Variants in KYNU observed in about 807,000 individuals in gnomAD.
KYNU encodes the protein kynureninase, also known as L-kynurenine hydrolase.
KYNU carries 54 observed loss-of-function variants against 59.2 expected under a neutral mutation model. That is an observed-to-expected ratio of 0.91 (90% CI 0.73 to 1.14). The LOEUF (loss-of-function observed/expected upper bound fraction) is 1.14. KYNU is among the 50% of genes most tolerant of loss of function. The pLI, the probability that KYNU is intolerant of heterozygous loss-of-function variation, is 0.00. For synonymous variants in KYNU, 177 were observed against 192.0 expected (o/e 0.92, Z 0.65); for missense variants, 567 against 554.4 (o/e 1.02, Z -0.23).
chr2:142,913,233 T>C (rs1169798600), intron 2 of KYNU, among the ~76,000 whole-genome samples: 1 of 152,208 alleles, frequency 6.6e-6, no homozygotes, highest in Non-Finnish European at 1.5e-5. Flanking sequence ...TCTACTAGCA[T>C]TGGGGTTAGT....
chr2:142,921,277 T>C (rs1682874511), intron 3 of KYNU, among the ~76,000 whole-genome samples: 1 of 152,206 alleles, frequency 6.6e-6, no homozygotes, highest in Non-Finnish European at 1.5e-5. Flanking sequence ...AAGAGGGAGA[T>C]GAATGGCAGC....
Position 143,042,817 on chromosome 2 carries a change from AG to A in KYNU, c.*646del, listed in dbSNP as rs1687097010. 6.6e-6 allele frequency: 1 copy of A among 151,660 alleles called. No homozygotes were observed. Among genetic ancestry groups the A allele is most frequent in the East Asian group, 1.9e-4 (1 of 5,184 alleles). The allele number at this position is 151,660 out of a possible 1,614,324, so 9.4% of individuals were successfully genotyped here. A position where few individuals can be genotyped will look rare whatever the true frequency, so the allele number is the denominator to read the frequency against. ...TTTATCATATTTTAACATCTTTGAA[AG>A]AGGACCCATCTTTCAATTTTCGATC... is the stretch of plus-strand genomic sequence containing the variant. On this transcript the variant is annotated 3_prime_UTR_variant, in exon 14 of 14. Transcript: ENST00000264170.
chr2:143,016,104 T>A (rs1686238956), intron 10 of KYNU, among the ~76,000 whole-genome samples: 1 of 152,250 alleles, frequency 6.6e-6, no homozygotes, highest in African/African-American at 2.4e-5. Flanking sequence ...TCTGTTGAAA[T>A]ATTTTAGCGA....
chr2:142,885,386 G>T lies in KYNU; in HGVS notation c.19G>T (p.Glu7Ter), dbSNP rs1251337220. 2.5e-6 allele frequency: 4 copies of T among 1,613,808 alleles called. No homozygotes were observed. Among genetic ancestry groups the T allele is most frequent in the African/African-American group, 2.7e-5 (2 of 74,944 alleles). Residue 7 changes from glutamate (E) to a stop codon, truncating the protein, a stop_gained, in exon 2 of 14, where the codon GAG becomes TAG. Transcript: ENST00000264170. LOFTEE classifies it high-confidence loss of function. Reference sequence around the variant, plus strand: ...ACTTGTAATGGAGCCTTCATCTCTTGAGCTGCCGGCTGACACAGTGCAGCG... The same window carrying T: ...ACTTGTAATGGAGCCTTCATCTCTTTAGCTGCCGGCTGACACAGTGCAGCG... MEPSSL[E>*]LPADTVQRIA...
At chr2:143,028,401 G>A (rs548992432) in intron 10 of KYNU, among the ~76,000 whole-genome samples, 21 of 149,976 alleles carry the variant, frequency 1.4e-4, no homozygotes, top group African/African-American at 4.9e-4. Context: ...ATGCCACCAC[G>A]CCCGTCTAAT....
intron 4 of KYNU, among the ~76,000 whole-genome samples, chr2:142,935,704 A>G (rs1208546531): frequency 6.6e-6 from 1 of 152,118 alleles, no homozygotes; most frequent in Non-Finnish European, 1.5e-5. Flanking sequence ...AGTTCCTGCT[A>G]CTTCCTGAAG....
Position 142,960,560 on chromosome 2 carries a change from G to A in KYNU, c.583-64G>A, listed in dbSNP as rs775842024. The A allele has an allele frequency of 2.3e-5, 34 of 1,465,226 alleles. 1 individual carries two copies. The highest frequency in any genetic ancestry group is 2.8e-5 in the Non-Finnish European group (30 of 1,053,048). 90.8% of individuals were successfully genotyped at this position (1,465,226 alleles called of 1,614,324 possible). On this transcript the variant is annotated intron_variant, in intron 7 of 13. Coordinates refer to ENST00000264170, the MANE Select transcript of KYNU (RefSeq NM_003937.3). Reference sequence around the variant, plus strand: ...AAGGGCTCACGGTGAAATTTAGATCGGCAATATGAAATTACAAATTTATTA... The same window carrying A: ...AAGGGCTCACGGTGAAATTTAGATCAGCAATATGAAATTACAAATTTATTA...
intron 12 of KYNU, among the ~76,000 whole-genome samples, chr2:143,037,402 C>A (rs1439601001): frequency 1.3e-5 from 2 of 151,914 alleles, no homozygotes; most frequent in Non-Finnish European, 2.9e-5. Flanking sequence ...ATATTTAGTC[C>A]CTTTCAGTAT....
chr2:142,921,881 T>C (rs1465096795), intron 3 of KYNU, among the ~76,000 whole-genome samples: 2 of 152,140 alleles, frequency 1.3e-5, no homozygotes, highest in Admixed American at 1.3e-4. Context: ...GCCACTTCAG[T>C]GGTCTGTTGG....
chr2:143,020,375 C>A (rs1686370170), intron 10 of KYNU, among the ~76,000 whole-genome samples: 1 of 152,092 alleles, frequency 6.6e-6, no homozygotes, highest in Non-Finnish European at 1.5e-5. Flanking sequence ...TTCTTACATT[C>A]TTCATTGACT....
rs1684220977 is a variant in KYNU, at chr2:142,957,835, A to G, written c.582+120A>G. On this transcript the variant is annotated intron_variant, in intron 7 of 13. Transcript: ENST00000264170. ...TAATGGAACTTTCAAGAAAGCATGA[A>G]GGACCTATACTTCTGTTACTATTAG... 4 of 695,396 alleles carry G rather than the reference A, an allele frequency of 5.8e-6. No homozygotes were observed. In the Admixed American group the frequency reaches 8.6e-5, roughly 15 times the overall value. The allele number at this position is 695,396 out of a possible 1,614,324, so 43.1% of individuals were successfully genotyped here. A position where few individuals can be genotyped will look rare whatever the true frequency, so the allele number is the denominator to read the frequency against.
intron 2 of KYNU, among the ~76,000 whole-genome samples, chr2:142,902,882 A>G (rs1682153961): frequency 6.6e-6 from 1 of 152,128 alleles, no homozygotes; most frequent in Non-Finnish European, 1.5e-5. Flanking sequence ...GAGTTGAGAC[A>G]TTGGGTTTGA....
At chr2:142,899,582 AG>A (rs1164971743) in intron 2 of KYNU, among the ~76,000 whole-genome samples, 1 of 152,170 alleles carries the variant, frequency 6.6e-6, no homozygotes, top group Admixed American at 6.5e-5. Context: ...GGGGCATAGT[AG>A]GGGTCGTGCA....
chr2:142,904,384 T>C (rs1444690622), intron 2 of KYNU, among the ~76,000 whole-genome samples: 2 of 152,216 alleles, frequency 1.3e-5, no homozygotes, highest in Non-Finnish European at 2.9e-5. Flanking sequence ...CCTGCTGGCC[T>C]GTGGGGAATT....
chr2:143,033,584 C>T lies in KYNU; in HGVS notation c.1041+263C>T, dbSNP rs552678275. Among the ~76,000 whole-genome samples, 13 of 152,272 alleles carry T rather than the reference C, an allele frequency of 8.5e-5. 1 individual carries two copies. The highest frequency in any genetic ancestry group is 2.6e-4 in the African/African-American group (11 of 41,558). ...TAAATGGAACTCTTTTGGGGAGATA[C>T]GTTTTTTACTCCACTTAGAATCTGT... On this transcript the variant is annotated intron_variant, in intron 12 of 13. Coordinates refer to ENST00000264170, the MANE Select transcript of KYNU (RefSeq NM_003937.3).
intron 2 of KYNU, among the ~76,000 whole-genome samples, chr2:142,889,729 T>G (rs1426249553): frequency 6.6e-6 from 1 of 152,160 alleles, no homozygotes; most frequent in East Asian, 1.9e-4. Flanking sequence ...TCCAAGAGCA[T>G]CTAAAAATGG....
intron 10 of KYNU, among the ~76,000 whole-genome samples, chr2:143,018,024 T>C (rs1276066876): frequency 6.6e-6 from 1 of 152,214 alleles, no homozygotes; most frequent in African/African-American, 2.4e-5. Flanking sequence ...AAGTTCCCTA[T>C]AGATTCTGGA....
chr2:143,025,813 G>C (rs1451380579), intron 10 of KYNU, among the ~76,000 whole-genome samples: 1 of 152,092 alleles, frequency 6.6e-6, no homozygotes, highest in Non-Finnish European at 1.5e-5. Context: ...TGAAACGAGA[G>C]AATATATATT....
chr2:142,934,367 G>A (rs1683318656), intron 4 of KYNU, among the ~76,000 whole-genome samples: 1 of 152,128 alleles, frequency 6.6e-6, no homozygotes, highest in Admixed American at 6.5e-5. Flanking sequence ...CAGGTTGGAG[G>A]AGTAGAAGAA....
Sources: allele counts gnomAD v4.1 joint callset (sites outside exome capture counted in the v4.1 genomes callset), GRCh38; gene constraint gnomAD v4.1.1; transcripts MANE v1.5; gene names NCBI Gene and HGNC (gene_info 2026-07-23, HGNC 2026-07-21).